The following PCLO variants were observed in gnomAD, a reference collection of about 807,000 sequenced individuals.
PCLO encodes protein piccolo.
A neutral mutation model predicts 427.5 loss-of-function variants in PCLO; 82 were observed. The observed-to-expected ratio is 0.19, with a 90% CI of 0.16 to 0.23. The LOEUF (loss-of-function observed/expected upper bound fraction) is 0.23. Ranked by LOEUF, PCLO falls within the 10% of genes least tolerant of loss-of-function variation. PCLO has a pLI of 1.00. For synonymous variants in PCLO, 2,357 were observed against 2,155.4 expected, an observed-to-expected ratio of 1.09 and a Z score of -2.59; for missense variants, 6,239 against 6,115.9, an observed-to-expected ratio of 1.02 and a Z score of -0.67.
chr7:82,891,230 A>G (rs1562840565), intron 9 of PCLO, among the ~76,000 whole-genome samples: 1 of 152,056 alleles, frequency 6.6e-6, no homozygotes, highest in Non-Finnish European at 1.5e-5. Context: ...CTGATTAGCT[A>G]TTTTTGTCTT....
chr7:82,795,021 C>G (rs558481106), intron 22 of PCLO, among the ~76,000 whole-genome samples: 5 of 152,072 alleles, frequency 3.3e-5, no homozygotes, highest in Non-Finnish European at 7.4e-5. Flanking sequence ...TAGGAAATTG[C>G]CCCTCATATT....
intron 3 of PCLO, among the ~76,000 whole-genome samples, chr7:83,026,689 G>C (rs1246492072): frequency 6.6e-6 from 1 of 151,906 alleles, no homozygotes. Flanking sequence ...TTCCAAAATT[G>C]ACCACATACT....
At chr7:82,892,899 G>A (rs1793805768) in intron 9 of PCLO, among the ~76,000 whole-genome samples, 1 of 152,014 alleles carries the variant, frequency 6.6e-6, no homozygotes, top group African/African-American at 2.4e-5. Context: ...AGTTAGAATG[G>A]CAATCATTAA....
intron 6 of PCLO, 133 bp downstream of exon 6, chr7:82,949,343 T>C (rs959034519): frequency 2.5e-5 from 17 of 693,712 alleles, no homozygotes; most frequent in Middle Eastern, 3.2e-4. Context: ...TGTAAATTTC[T>C]AAGGCAATAA....
chr7:82,773,590 C>T (rs573752859), intron 22 of PCLO, among the ~76,000 whole-genome samples: 53 of 152,206 alleles, frequency 3.5e-4, no homozygotes, highest in African/African-American at 1.2e-3. Flanking sequence ...TTTTACTGTT[C>T]CATTCTATAA....
chr7:83,095,844 A>G (rs546405999), intron 3 of PCLO, among the ~76,000 whole-genome samples: 5 of 152,128 alleles, frequency 3.3e-5, no homozygotes, highest in Admixed American at 2.6e-4. Flanking sequence ...ATGATGTATG[A>G]TATGTTATTT....
intron 3 of PCLO, among the ~76,000 whole-genome samples, chr7:82,974,426 G>A (rs1702735053): frequency 1.3e-5 from 2 of 152,164 alleles, no homozygotes. Flanking sequence ...CTACCAGTGT[G>A]TGTATAAAGG....
At chr7:82,882,932 A>AG (rs1269217099) in intron 9 of PCLO, among the ~76,000 whole-genome samples, 7 of 152,128 alleles carry the variant, frequency 4.6e-5, no homozygotes, top group African/African-American at 1.7e-4. Flanking sequence ...AGTATCACAA[A>AG]GAATGTTTTA....
At chr7:83,031,715 T>A (rs1178342968) in intron 3 of PCLO, among the ~76,000 whole-genome samples, 1 of 42,852 alleles carries the variant, frequency 2.3e-5, no homozygotes, top group Admixed American at 1.8e-4. Context: ...AGTCTTAATC[T>A]CTCTCTCTCT....
intron 4 of PCLO, among the ~76,000 whole-genome samples, chr7:82,963,424 C>CT (rs1166307543): frequency 6.6e-6 from 1 of 151,526 alleles, no homozygotes; most frequent in Non-Finnish European, 1.5e-5. Context: ...ATTGCCAATT[C>CT]TTTTTTTCAT....
intron 3 of PCLO, among the ~76,000 whole-genome samples, chr7:83,020,740 T>C (rs986768788): frequency 1.3e-5 from 2 of 151,920 alleles, no homozygotes; most frequent in Non-Finnish European, 2.9e-5. Flanking sequence ...AACCATAACA[T>C]TGAGAAGAGC....
intron 9 of PCLO, among the ~76,000 whole-genome samples, chr7:82,901,826 C>T (rs1249194162): frequency 1.8e-4 from 28 of 152,060 alleles, no homozygotes; most frequent in Middle Eastern, 3.4e-3. Flanking sequence ...GATGAAAAAA[C>T]GCTCATCATC....
chr7:82,942,887 A>T (rs1410784217), intron 6 of PCLO, among the ~76,000 whole-genome samples: 2 of 152,110 alleles, frequency 1.3e-5, no homozygotes, highest in African/African-American at 4.8e-5. Flanking sequence ...TGACATACAT[A>T]AATACCACCA....
chr7:83,162,310 T>C, intron 1 of PCLO, 35 bp downstream of exon 1: 2 of 1,566,068 alleles, frequency 1.3e-6, no homozygotes, highest in Non-Finnish European at 1.7e-6. Flanking sequence ...AAGCTGTACA[T>C]ATATGCCCGG....
intron 3 of PCLO, among the ~76,000 whole-genome samples, chr7:83,076,014 G>A (rs1188584803): frequency 6.6e-6 from 1 of 151,214 alleles, no homozygotes; most frequent in African/African-American, 2.4e-5. Context: ...TATAAATATT[G>A]AGAATGAATT....
intron 10 of PCLO, among the ~76,000 whole-genome samples, chr7:82,876,489 T>C (rs62461400): frequency 0.27 from 23,975 of 88,406 alleles, 2,132 homozygotes; most frequent in Middle Eastern, 0.31. Context: ...CACACACACA[T>C]ACACCACACA....
intron 6 of PCLO, among the ~76,000 whole-genome samples, chr7:82,919,338 G>A (rs1794542977): frequency 1.3e-5 from 2 of 151,972 alleles, no homozygotes; most frequent in South Asian, 4.1e-4. Context: ...CCAAAAGCCT[G>A]CAGGAGCCAG....
In PCLO at chr7:83,024,584, C is replaced by T. The variant is rs74614330; in HGVS notation, c.3301-58097G>A. On this transcript the variant is annotated intron_variant, in intron 3 of 24. Transcript: ENST00000333891. ...AGGTAAACAAAGCAGCCAGGAAGCT[C>T]GAACTGGGTGGAGCCCACCACAGCT... Among the ~76,000 whole-genome samples the T allele has an allele frequency of 4.6e-5, 7 of 152,294 alleles. No individual in the cohort carries two copies. In the South Asian group the frequency reaches 8.3e-4, roughly 18 times the overall value.
chr7:82,951,248 T>C lies in PCLO; in HGVS notation c.9340A>G (p.Thr3114Ala). ...TGAATACCAGACAAATCCCTCACTGTGGTGCTGAAAATGGAGCCAGGTTGT... is the reference window on the plus strand; with the variant it reads ...TGAATACCAGACAAATCCCTCACTGCGGTGCTGAAAATGGAGCCAGGTTGT... ...TTQPGSIFST[T>A]VRDLSGIHTA... is the part of the protein sequence containing the mutation. The change falls in exon 6 of 25, where the codon ACA becomes GCA. Residue 3114 changes from threonine to alanine, a missense_variant. Transcript: ENST00000333891. The C allele has an allele frequency of 6.2e-7, 1 of 1,613,614 alleles. No homozygotes were observed. Among genetic ancestry groups the C allele is most frequent in the Non-Finnish European group, 8.5e-7 (1 of 1,179,730 alleles).
Sources: allele counts gnomAD v4.1 joint callset (sites outside exome capture counted in the v4.1 genomes callset), GRCh38; gene constraint gnomAD v4.1.1; transcripts MANE v1.5; gene names NCBI Gene and HGNC (gene_info 2026-07-23, HGNC 2026-07-21).